Variants in HS6ST3 observed in about 807,000 individuals in gnomAD.
The protein encoded by HS6ST3 is heparan sulfate 6-O-sulfotransferase 3.
In HS6ST3, 12 loss-of-function variants were observed where a neutral mutation model predicts 36.7. The ratio of observed to expected loss-of-function variants is 0.33; its 90% CI spans 0.21 to 0.53. The LOEUF (loss-of-function observed/expected upper bound fraction) is 0.53. Ranked by LOEUF, HS6ST3 falls within the 20% of genes least tolerant of loss-of-function variation. The probability of loss-of-function intolerance (pLI) is 0.95; values close to 1 mark genes in which losing one functional copy is unlikely to be tolerated. For synonymous variants in HS6ST3, 240 were observed against 257.5 expected, an observed-to-expected ratio of 0.93 and a Z score of 0.65; for missense variants, 584 against 640.9, an observed-to-expected ratio of 0.91 and a Z score of 0.96.
intron 1 of HS6ST3, among the ~76,000 whole-genome samples, chr13:96,599,422 C>T (rs1264523008): frequency 1.3e-5 from 2 of 151,878 alleles, no homozygotes; most frequent in African/African-American, 4.8e-5. Flanking sequence ...CTAGTGTGCA[C>T]GTATATGAGT....
At chr13:96,560,894 A>G (rs528373890) in intron 1 of HS6ST3, among the ~76,000 whole-genome samples, 2 of 152,334 alleles carry the variant, frequency 1.3e-5, no homozygotes, top group South Asian at 4.1e-4. Context: ...TAGATTACCC[A>G]AACAAATGAG....
chr13:96,614,322 AAAAAAAC>A (rs1347811725), intron 1 of HS6ST3, among the ~76,000 whole-genome samples: 2 of 148,392 alleles, frequency 1.3e-5, no homozygotes, highest in African/African-American at 5.1e-5. Flanking sequence ...AAAAAAAAAA[AAAAAAAC>A]AGTTATTACC....
chr13:96,277,253 A>C (rs938219920), intron 1 of HS6ST3, among the ~76,000 whole-genome samples: 2 of 152,186 alleles, frequency 1.3e-5, no homozygotes, highest in African/African-American at 4.8e-5. Flanking sequence ...CACAGTCTTC[A>C]TGGATCTAGC....
At chr13:96,284,531 CTGTGCTGGAAGCCGATTAGGT>C (rs2054791037) in intron 1 of HS6ST3, among the ~76,000 whole-genome samples, 1 of 152,118 alleles carries the variant, frequency 6.6e-6, no homozygotes, top group Admixed American at 6.6e-5. Flanking sequence ...TTTATTCTGG[CTGTGCTGGAAGCCGATTAGGT>C]TGTGCCCACT....
intron 1 of HS6ST3, among the ~76,000 whole-genome samples, chr13:96,670,487 A>G (rs1213959371): frequency 6.6e-6 from 1 of 152,108 alleles, no homozygotes; most frequent in Non-Finnish European, 1.5e-5. Context: ...GCAAGAATGT[A>G]TACTAGCGGG....
At chr13:96,161,040 A>G (rs1403929371) in intron 1 of HS6ST3, among the ~76,000 whole-genome samples, 1 of 152,186 alleles carries the variant, frequency 6.6e-6, no homozygotes, top group Non-Finnish European at 1.5e-5. Context: ...AATTTTATAA[A>G]TACATATTTG....
intron 1 of HS6ST3, among the ~76,000 whole-genome samples, chr13:96,317,356 A>AAT (rs1399381667): frequency 0.021 from 293 of 14,216 alleles, 6 homozygotes; most frequent in African/African-American, 0.04. Context: ...ATATATATAT[A>AAT]TATATATATA....
intron 1 of HS6ST3, among the ~76,000 whole-genome samples, chr13:96,133,273 G>A: frequency 6.6e-6 from 1 of 152,082 alleles, no homozygotes; most frequent in East Asian, 1.9e-4. Flanking sequence ...GATTACAGGT[G>A]CCCACCACCA....
chr13:96,585,997 A>G (rs1023479754), intron 1 of HS6ST3, among the ~76,000 whole-genome samples: 3 of 152,146 alleles, frequency 2.0e-5, no homozygotes, highest in African/African-American at 7.2e-5. Flanking sequence ...AGTTTTTTTC[A>G]TAATGGATGT....
At chr13:96,826,616 C>T (rs1878653285) in intron 1 of HS6ST3, among the ~76,000 whole-genome samples, 2 of 152,120 alleles carry the variant, frequency 1.3e-5, no homozygotes, top group South Asian at 4.2e-4. Context: ...TGGATGTGAG[C>T]CTTGAGCTGG....
At chr13:96,761,497 C>A (rs1876970141) in intron 1 of HS6ST3, among the ~76,000 whole-genome samples, 1 of 151,804 alleles carries the variant, frequency 6.6e-6, no homozygotes, top group African/African-American at 2.4e-5. Flanking sequence ...TAGGCATCTA[C>A]CACCCAGAAT....
At chr13:96,715,807 AC>A (rs1875681242) in intron 1 of HS6ST3, among the ~76,000 whole-genome samples, 1 of 152,150 alleles carries the variant, frequency 6.6e-6, no homozygotes. Context: ...TGGTTCATAT[AC>A]AGTTTTAAGA....
At chr13:96,488,019 T>A (rs2138903223) in intron 1 of HS6ST3, among the ~76,000 whole-genome samples, 1 of 152,222 alleles carries the variant, frequency 6.6e-6, no homozygotes, top group Admixed American at 6.5e-5. Context: ...AGGAAAAAAA[T>A]TATTTAACTC....
intron 1 of HS6ST3, among the ~76,000 whole-genome samples, chr13:96,659,719 A>T (rs2056639678): frequency 6.6e-6 from 1 of 152,080 alleles, no homozygotes. Context: ...TCATATAGCT[A>T]TCTAATTGCT....
intron 1 of HS6ST3, among the ~76,000 whole-genome samples, chr13:96,131,903 A>T (rs1184526409): frequency 6.6e-6 from 1 of 151,628 alleles, no homozygotes; most frequent in East Asian, 1.9e-4. Context: ...CATGGAAAAG[A>T]TAAAAAAAAA....
intron 1 of HS6ST3, among the ~76,000 whole-genome samples, chr13:96,680,390 C>G (rs978267494): frequency 6.6e-6 from 1 of 152,058 alleles, no homozygotes; most frequent in Non-Finnish European, 1.5e-5. Context: ...TGTGAGATCC[C>G]CAGACTGCTC....
intron 1 of HS6ST3, among the ~76,000 whole-genome samples, chr13:96,284,910 G>GCTTGCTTGCTTTCTTTCTTTCTTT (rs1343778101): frequency 2.9e-4 from 39 of 134,676 alleles, no homozygotes; most frequent in East Asian, 9.0e-4. Context: ...ATGCATATTT[G>GCTTGCTTGCTTTCTTTCTTTCTTT]CTTTCTTTCT....
intron 1 of HS6ST3, among the ~76,000 whole-genome samples, chr13:96,707,632 T>C (rs1026831506): frequency 6.6e-6 from 1 of 151,828 alleles, no homozygotes; most frequent in East Asian, 1.9e-4. Context: ...TGTGGCAGTG[T>C]GCATATTGAG....
At chr13:96,695,251 G>A (rs1875091767) in intron 1 of HS6ST3, among the ~76,000 whole-genome samples, 1 of 152,002 alleles carries the variant, frequency 6.6e-6, no homozygotes, top group South Asian at 2.1e-4. Context: ...TCATCCCACT[G>A]AACATAAGAC....
Sources: gnomAD v4.1 joint callset for allele counts (sites outside exome capture counted in the v4.1 genomes callset) on GRCh38, gnomAD v4.1.1 for gene constraint, MANE v1.5 for transcripts, NCBI Gene and HGNC (gene_info 2026-07-23, HGNC 2026-07-21) for gene names.